The following SLC9A9 variants were observed in gnomAD, a reference collection of about 807,000 sequenced individuals.
SLC9A9 encodes solute carrier family 9 member A9.
SLC9A9 carries 62 observed loss-of-function variants against 77.8 expected under a neutral mutation model. The ratio of observed to expected loss-of-function variants is 0.80; its 90% CI spans 0.65 to 0.98. The LOEUF is 0.98. Among genes scored for constraint, SLC9A9 ranks in the 50% least tolerant of loss-of-function variants. SLC9A9 has a pLI of 0.00. For synonymous variants in SLC9A9, 320 were observed against 283.5 expected (o/e 1.13, Z -1.29); for missense variants, 775 against 774.9 (o/e 1.00, Z 0.00).
chr3:143,575,403 C>T (rs2037341518), intron 7 of SLC9A9, among the ~76,000 whole-genome samples: 2 of 152,172 alleles, frequency 1.3e-5, no homozygotes, highest in South Asian at 4.1e-4. Context: ...ATAATACCAC[C>T]TACCTCAGAG....
At chr3:143,792,042 T>G (rs1200652986) in intron 4 of SLC9A9, among the ~76,000 whole-genome samples, 1 of 152,254 alleles carries the variant, frequency 6.6e-6, no homozygotes, top group Non-Finnish European at 1.5e-5. Flanking sequence ...CCAGCTCTAT[T>G]ACTTACCACT....
chr3:143,816,540 A>T (rs1004877554), intron 2 of SLC9A9, among the ~76,000 whole-genome samples: 2 of 152,228 alleles, frequency 1.3e-5, no homozygotes, highest in African/African-American at 4.8e-5. Context: ...ACTGCTGTGT[A>T]ATGTTCTATG....
intron 5 of SLC9A9, among the ~76,000 whole-genome samples, chr3:143,661,904 A>G (rs184814730): frequency 7.6e-6 from 1 of 131,058 alleles, no homozygotes; most frequent in East Asian, 2.2e-4. Flanking sequence ...TTGAAAAACT[A>G]CTTATCGAGC....
At position 143,265,871 on chromosome 3, in the gene SLC9A9, C is replaced by T. The variant is rs1033113319; in HGVS notation, c.*831G>A. 11 of 601,324 alleles carry T rather than the reference C, an allele frequency of 1.8e-5. No individual in the cohort carries two copies. Among genetic ancestry groups the T allele is most frequent in the Admixed American group, 2.9e-5 (1 of 34,810 alleles). The allele number at this position is 601,324 out of a possible 1,614,324, so 37.2% of individuals were successfully genotyped here. On this transcript the variant is annotated 3_prime_UTR_variant, in exon 16 of 16. Transcript: ENST00000316549. The stretch of plus-strand genomic sequence containing the variant: ...GAGCAACACAGGCTGCAGAATCCTA[C>T]CCTCCAGCATATCGCGGGGAGGGGG...
chr3:143,438,419 C>G (rs1479039993), intron 12 of SLC9A9, among the ~76,000 whole-genome samples: 1 of 150,640 alleles, frequency 6.6e-6, no homozygotes, highest in East Asian at 2.0e-4. Context: ...AAGGATCTCC[C>G]TGGCGTGTGT....
rs565324575 is a variant in SLC9A9 at position 143,586,186 on chromosome 3, A to AT, written c.756-7464dup. On this transcript the variant is annotated intron_variant, in intron 6 of 15. Transcript: ENST00000316549. ...GGCGGGGGAAATGAGGCTGCTTCTG[A>AT]TGCCAGTTAAGCCAGCTGAGGGGTG... Among the ~76,000 whole-genome samples the AT allele has an allele frequency of 2.2e-4, 33 of 152,344 alleles. No individual in the cohort carries two copies. The East Asian group carries it at 6.2e-3, about 29-fold the overall frequency.
chr3:143,411,492 G>C (rs915309175), intron 12 of SLC9A9, among the ~76,000 whole-genome samples: 2 of 152,098 alleles, frequency 1.3e-5, no homozygotes, highest in African/African-American at 4.8e-5. Flanking sequence ...TTGAGGGCTA[G>C]TTCTGTGTCT....
intron 6 of SLC9A9, among the ~76,000 whole-genome samples, chr3:143,611,549 T>C (rs2038021945): frequency 6.6e-6 from 1 of 152,080 alleles, no homozygotes; most frequent in Non-Finnish European, 1.5e-5. Context: ...ACAAATGCAG[T>C]GATAAAAATC....
At chr3:143,325,710 C>T (rs527268322) in intron 14 of SLC9A9, among the ~76,000 whole-genome samples, 2 of 152,316 alleles carry the variant, frequency 1.3e-5, no homozygotes, top group African/African-American at 4.8e-5. Flanking sequence ...AACCTTTGGA[C>T]CTCATGCTGG....
At chr3:143,352,578 G>A (rs954528883) in intron 14 of SLC9A9, among the ~76,000 whole-genome samples, 2 of 133,130 alleles carry the variant, frequency 1.5e-5, no homozygotes, top group African/African-American at 3.8e-5. Flanking sequence ...CTTAGAGACT[G>A]ATCTGGCTTT....
chr3:143,789,604 G>C (rs1185958021), intron 4 of SLC9A9, among the ~76,000 whole-genome samples: 6 of 152,192 alleles, frequency 3.9e-5, no homozygotes, highest in African/African-American at 1.4e-4. Context: ...TGTCATCCAG[G>C]TTTAGAAGTC....
At chr3:143,397,099 C>CA (rs1449964882) in intron 12 of SLC9A9, among the ~76,000 whole-genome samples, 1 of 152,160 alleles carries the variant, frequency 6.6e-6, no homozygotes, top group Non-Finnish European at 1.5e-5. Context: ...TTTCAGGCTA[C>CA]GGATAAGAGT....
intron 12 of SLC9A9, among the ~76,000 whole-genome samples, chr3:143,454,961 A>G (rs977332224): frequency 6.6e-6 from 1 of 152,192 alleles, no homozygotes; most frequent in Admixed American, 6.5e-5. Context: ...CTCTTCTTAT[A>G]AAAAGGTTCA....
intron 8 of SLC9A9, among the ~76,000 whole-genome samples, chr3:143,569,985 T>C (rs2037232611): frequency 6.6e-6 from 1 of 151,668 alleles, no homozygotes; most frequent in African/African-American, 2.4e-5. Flanking sequence ...ACTTTTTTTT[T>C]TTTAGAGACA....
intron 4 of SLC9A9, among the ~76,000 whole-genome samples, chr3:143,761,174 C>G (rs974904354): frequency 1.3e-5 from 2 of 152,126 alleles, no homozygotes; most frequent in African/African-American, 4.8e-5. Flanking sequence ...TTCCTTACAC[C>G]TTATACAAAA....
At chr3:143,658,340 C>T (rs748918245) in intron 5 of SLC9A9, among the ~76,000 whole-genome samples, 27 of 152,216 alleles carry the variant, frequency 1.8e-4, no homozygotes, top group Non-Finnish European at 2.8e-4. Flanking sequence ...TAGCTAAGCA[C>T]ATCCTTGAGA....
At chr3:143,796,237 TTCCTGTC>T (rs2008381627) in intron 3 of SLC9A9, among the ~76,000 whole-genome samples, 2 of 152,340 alleles carry the variant, frequency 1.3e-5, no homozygotes, top group African/African-American at 4.8e-5. Context: ...AAACTGGACT[TTCCTGTC>T]TATGAGCATC....
intron 2 of SLC9A9, among the ~76,000 whole-genome samples, chr3:143,798,138 C>T (rs774240341): frequency 6.6e-6 from 1 of 152,206 alleles, no homozygotes; most frequent in Non-Finnish European, 1.5e-5. Context: ...TATCCCTCAA[C>T]CTCTTTCTCC....
At chr3:143,314,639 C>T (rs1419083491) in intron 14 of SLC9A9, among the ~76,000 whole-genome samples, 1 of 152,256 alleles carries the variant, frequency 6.6e-6, no homozygotes, top group Non-Finnish European at 1.5e-5. Context: ...CTAAAAAGTT[C>T]TCCTTTGGCC....
Sources: allele counts gnomAD v4.1 joint callset (sites outside exome capture counted in the v4.1 genomes callset), GRCh38; gene constraint gnomAD v4.1.1; transcripts MANE v1.5; gene names NCBI Gene and HGNC (gene_info 2026-07-23, HGNC 2026-07-21).